The following LTV1 variants were observed in gnomAD, a reference collection of about 807,000 sequenced individuals.
The protein encoded by LTV1 is protein LTV1 homolog.
A neutral mutation model predicts 59.9 loss-of-function variants in LTV1; 39 were observed. The ratio of observed to expected loss-of-function variants is 0.65; its 90% CI spans 0.50 to 0.85. The LOEUF is 0.85. Among genes scored for constraint, LTV1 ranks in the 40% least tolerant of loss-of-function variants. LTV1 has a pLI of 0.00. For synonymous variants in LTV1, 171 were observed against 189.5 expected (o/e 0.90, Z 0.80); for missense variants, 493 against 549.1 (o/e 0.90, Z 1.02).
At chr6:143,850,762 T>G (rs1776969094) in intron 4 of LTV1, among the ~76,000 whole-genome samples, 1 of 152,268 alleles carries the variant, frequency 6.6e-6, no homozygotes. Context: ...GTGGCATTCA[T>G]TAATTAATTT....
rs1190906427 is a variant in LTV1 at position 143,862,835 on chromosome 6, TTTG to T, written c.1064-6_1064-4del. 1 of 1,522,398 alleles carries T rather than the reference TTTG, an allele frequency of 6.6e-7. No homozygotes were observed. The highest frequency in any genetic ancestry group is 2.3e-5 in the East Asian group (1 of 44,376). 94.3% of individuals were successfully genotyped at this position (1,522,398 alleles called of 1,614,324 possible). The stretch of plus-strand genomic sequence containing the variant: ...CTTACTGATACATGACTTTTATTTG[TTTG>T]TTTAGGTACATACTCAAATTTATAT... On this transcript the variant is annotated splice_region_variant and splice_polypyrimidine_tract_variant and intron_variant, in intron 8 of 10. Coordinates refer to ENST00000367576, the MANE Select transcript of LTV1 (RefSeq NM_032860.5). The surrounding 1 kb of genome is among the most constrained non-coding windows in gnomAD (Gnocchi z 4.2).
chr6:143,862,019 T>TA lies in LTV1; in HGVS notation c.924-80dup. 1.5e-6 allele frequency: 2 copies of TA among 1,358,122 alleles called. No individual in the cohort carries two copies. Among genetic ancestry groups the TA allele is most frequent in the Non-Finnish European group, 2.0e-6 (2 of 985,846 alleles). 84.1% of individuals were successfully genotyped at this position (1,358,122 alleles called of 1,614,324 possible). A position where few individuals can be genotyped will look rare whatever the true frequency, so the allele number is the denominator to read the frequency against. Reference sequence around the variant, plus strand: ...TTTAAAACATTGGTTTTTCCACAGCTAAAAATTGCAGTTTTAGTGACATAG... The same window carrying TA: ...TTTAAAACATTGGTTTTTCCACAGCTAAAAAATTGCAGTTTTAGTGACATAG... On this transcript the variant is annotated intron_variant, in intron 7 of 10. Coordinates refer to ENST00000367576, the MANE Select transcript of LTV1 (RefSeq NM_032860.5). The surrounding 1 kb of genome is among the most constrained non-coding windows in gnomAD (Gnocchi z 4.2).
chr6:143,844,671 T>TC, intron 2 of LTV1, 54 bp downstream of exon 2: 2 of 1,519,226 alleles, frequency 1.3e-6, no homozygotes, highest in Non-Finnish European at 1.8e-6. Context: ...GTTTTTTTTT[T>TC]CTTTTTTTTT....
At position 143,862,309 on chromosome 6, in the gene LTV1, C is replaced by A; in HGVS notation, c.1063+66C>A. On this transcript the variant is annotated intron_variant, in intron 8 of 10. Coordinates refer to ENST00000367576, the MANE Select transcript of LTV1 (RefSeq NM_032860.5). The surrounding 1 kb of genome is among the most constrained non-coding windows in gnomAD (Gnocchi z 4.2). ...AAGTATATCAACTTTAGGCTGGGTG[C>A]GGTGCCTCACGCCTGTAGTAATCCC... is the stretch of plus-strand genomic sequence containing the variant. 7.1e-7 allele frequency: 1 copy of A among 1,409,904 alleles called. No individual in the cohort carries two copies. Among genetic ancestry groups the A allele is most frequent in the Non-Finnish European group, 9.8e-7 (1 of 1,020,000 alleles). 87.3% of individuals were successfully genotyped at this position (1,409,904 alleles called of 1,614,324 possible).
chr6:143,851,037 T>G (rs115700628), intron 4 of LTV1, among the ~76,000 whole-genome samples: 3,023 of 148,712 alleles, frequency 0.02, 124 homozygotes, highest in African/African-American at 0.072. Flanking sequence ...GGGGGAGGGG[T>G]GGGGACCAGA....
At position 143,843,364 on chromosome 6, in the gene LTV1, T is replaced by A; in HGVS notation, c.-114T>A. The A allele has an allele frequency of 7.7e-7, 1 of 1,294,936 alleles. No individual in the cohort carries two copies. The highest frequency in any genetic ancestry group is 1.1e-6 in the Non-Finnish European group (1 of 898,592). 80.2% of individuals were successfully genotyped at this position (1,294,936 alleles called of 1,614,324 possible). A position where few individuals can be genotyped will look rare whatever the true frequency, so the allele number is the denominator to read the frequency against. ...TGACGTTATCGCCGGGTCCTGGGGCTGCACGTGTGGTGAGGCCTACAGAAG... is the reference window on the plus strand; with the variant it reads ...TGACGTTATCGCCGGGTCCTGGGGCAGCACGTGTGGTGAGGCCTACAGAAG... On this transcript the variant is annotated 5_prime_UTR_variant, in exon 1 of 11. Transcript: ENST00000367576.
chr6:143,845,362 A>G (rs1344316219), intron 2 of LTV1, among the ~76,000 whole-genome samples: 1 of 152,068 alleles, frequency 6.6e-6, no homozygotes. Flanking sequence ...GTTTTTTTGC[A>G]TATAAATACA....
rs1444965537 is a variant in LTV1 at position 143,855,410 on chromosome 6, T to C, written c.398-1893T>C. On this transcript the variant is annotated intron_variant, in intron 4 of 10. Transcript: ENST00000367576. This position sits in a 1 kb window ranked among gnomAD's most constrained non-coding sequence, Gnocchi z 4.6. Reference sequence around the variant, plus strand: ...TGACTCTTTATCCAATTTGCCAATCTGTGTCTTTTAATTGGGGCTTTTATC... The same window carrying C: ...TGACTCTTTATCCAATTTGCCAATCCGTGTCTTTTAATTGGGGCTTTTATC... Among the ~76,000 whole-genome samples, 1 of 152,204 alleles carries C rather than the reference T, an allele frequency of 6.6e-6. No individual in the cohort carries two copies. Among genetic ancestry groups the C allele is most frequent in the Non-Finnish European group, 1.5e-5 (1 of 68,036 alleles).
rs377630920 is a variant in LTV1 at position 143,863,524 on chromosome 6, A to G, written c.1425A>G (p.Leu475=). 1.9e-5 allele frequency: 31 copies of G among 1,609,026 alleles called. No individual in the cohort carries two copies. The highest frequency in any genetic ancestry group is 2.6e-5 in the Non-Finnish European group (30 of 1,176,230). Reference sequence around the variant, plus strand: ...AGAAGAATGTTGAGGGTCTAAAGCTATAGACAGTGGAGCATACAGGGCAAG... The same window carrying G: ...AGAAGAATGTTGAGGGTCTAAAGCTGTAGACAGTGGAGCATACAGGGCAAG... ...NLKKNVEGLK[L] Residue 475 remains leucine (L), a synonymous_variant, in exon 11 of 11, where the codon CTA becomes CTG. Transcript: ENST00000367576. This position sits in a 1 kb window ranked among gnomAD's most constrained non-coding sequence, Gnocchi z 4.5.
Position 143,850,224 on chromosome 6 carries a change from T to G in LTV1, c.397+6T>G. 1 of 1,601,906 alleles carries G rather than the reference T, an allele frequency of 6.2e-7. No individual in the cohort carries two copies. Among genetic ancestry groups the G allele is most frequent in the Non-Finnish European group, 8.5e-7 (1 of 1,169,800 alleles). On this transcript the variant is annotated splice_donor_region_variant and intron_variant, in intron 4 of 10. Coordinates refer to ENST00000367576, the MANE Select transcript of LTV1 (RefSeq NM_032860.5). ...TAAAGCAGCTCCAGTTTCAGGTATT[T>G]TTAATTGCTTTATCTTTTCATATGG...
intron 2 of LTV1, 44 bp downstream of exon 2, chr6:143,844,661 G>GA (rs1554233692): frequency 6.6e-6 from 9 of 1,358,180 alleles, no homozygotes. Context: ...GTAGACAATA[G>GA]TTTTTTTTTT....
chr6:143,858,133 A>G (rs1363407910), intron 6 of LTV1, 126 bp downstream of exon 6: 4 of 866,740 alleles, frequency 4.6e-6, no homozygotes, highest in Non-Finnish European at 7.3e-6. Context: ...GAAGTTTACA[A>G]CTATCCAGCT....
intron 6 of LTV1, among the ~76,000 whole-genome samples, chr6:143,858,951 C>A (rs898373317): frequency 6.6e-6 from 1 of 152,040 alleles, no homozygotes; most frequent in African/African-American, 2.4e-5. Flanking sequence ...GGCCAGTCAC[C>A]CTAGTTTTGA....
Position 143,846,216 on chromosome 6 carries a change from G to A in LTV1, c.301G>A (p.Val101Ile), listed in dbSNP as rs1307808775. 1 of 1,609,246 alleles carries A rather than the reference G, an allele frequency of 6.2e-7. No homozygotes were observed. Among genetic ancestry groups the A allele is most frequent in the East Asian group, 2.2e-5 (1 of 44,862 alleles). ...GAGAGAGGAGAAAGAAGAAACGCTA[G>A]TAATTCCAGTAAGGCTTTTCAGCAA... ...NRREEKEETL[V>I]IPSTGIKLPS... The change falls in exon 3 of 11, where the codon GTA (valine) becomes ATA (isoleucine). Residue 101 changes from valine to isoleucine, a missense_variant. Val to Ile is a conservative substitution (Grantham distance 29, BLOSUM62 3). Transcript: ENST00000367576.
Position 143,857,818 on chromosome 6 carries a change from T to A in LTV1, c.606T>A (p.Asp202Glu), listed in dbSNP as rs1218915900. ...DVDDEKGDSN[D>E]DYDSAGLLSD... ...ATGATGAGAAGGGAGATAGCAATGATGACTATGACTCTGCAGGCCTATTGT... is the reference window on the plus strand; with the variant it reads ...ATGATGAGAAGGGAGATAGCAATGAAGACTATGACTCTGCAGGCCTATTGT... The change falls in exon 6 of 11, where the codon GAT becomes GAA. Residue 202 changes from aspartate (D) to glutamate (E), a missense_variant. Coordinates refer to ENST00000367576, the MANE Select transcript of LTV1 (RefSeq NM_032860.5). This position sits in a 1 kb window ranked among gnomAD's most constrained non-coding sequence, Gnocchi z 5.2. The A allele has an allele frequency of 6.2e-7, 1 of 1,614,108 alleles. No homozygotes were observed. The highest frequency in any genetic ancestry group is 1.7e-5 in the Admixed American group (1 of 60,024).
intron 6 of LTV1, among the ~76,000 whole-genome samples, chr6:143,859,545 C>A (rs908110176): frequency 1.3e-5 from 2 of 152,134 alleles, no homozygotes; most frequent in Non-Finnish European, 2.9e-5. Flanking sequence ...AGTTGCCATC[C>A]AGGTGAATCT....
chr6:143,850,269 C>T, intron 4 of LTV1, 51 bp downstream of exon 4: 1 of 1,396,120 alleles, frequency 7.2e-7, no homozygotes, highest in Non-Finnish European at 1.0e-6. Context: ...TTTTGCAAAA[C>T]ATAAAGAAAT....
chr6:143,850,894 A>C (rs4896677), intron 4 of LTV1, among the ~76,000 whole-genome samples: 4,162 of 152,360 alleles, frequency 0.027, 106 homozygotes, highest in Admixed American at 0.072. Flanking sequence ...TAAATGATAA[A>C]TTACAGTATA....
At chr6:143,860,870 C>T (rs1418756151) in intron 7 of LTV1, among the ~76,000 whole-genome samples, 1 of 151,852 alleles carries the variant, frequency 6.6e-6, no homozygotes, top group Non-Finnish European at 1.5e-5. Flanking sequence ...GGAGAAGAGT[C>T]ATGGTAGAAT....
Sources: gnomAD v4.1 joint callset for allele counts (sites outside exome capture counted in the v4.1 genomes callset) on GRCh38, gnomAD v4.1.1 for gene constraint, Gnocchi (gnomAD v3.1) non-coding constraint, MANE v1.5 for transcripts, NCBI Gene and HGNC (gene_info 2026-07-23, HGNC 2026-07-21) for gene names.